Variants in GLT8D2 observed in about 807,000 individuals in gnomAD.
GLT8D2 encodes the protein glycosyltransferase 8 domain-containing protein 2.
In GLT8D2, 45 loss-of-function variants were observed where a neutral mutation model predicts 44.5. That is an observed-to-expected ratio of 1.01 (90% CI 0.80 to 1.30). GLT8D2 has a LOEUF of 1.30. Ranked by LOEUF, GLT8D2 falls within the 50% of genes most tolerant of loss-of-function variation. The pLI is 0.00. For missense variants in GLT8D2, 400 were observed against 430.4 expected, an observed-to-expected ratio of 0.93 and a Z score of 0.62; for synonymous variants, 156 against 157.2, an observed-to-expected ratio of 0.99 and a Z score of 0.06.
intron 1 of GLT8D2, 70 bp downstream of exon 1, chr12:104,049,825 A>G (rs1881550812): frequency 6.6e-6 from 1 of 152,242 alleles, no homozygotes; most frequent in Admixed American, 6.5e-5. Context: ...GTAGCAGAAT[A>G]AAGAACTGCT....
intron 2 of GLT8D2, among the ~76,000 whole-genome samples, chr12:104,020,731 C>A (rs908048181): frequency 6.6e-6 from 1 of 152,118 alleles, no homozygotes; most frequent in Non-Finnish European, 1.5e-5. Flanking sequence ...AGAGCAAGAG[C>A]CAGTCAAGGG....
chr12:103,991,617 G>A (rs771144601), intron 10 of GLT8D2, among the ~76,000 whole-genome samples: 6 of 152,030 alleles, frequency 3.9e-5, no homozygotes, highest in Non-Finnish European at 8.8e-5. Context: ...ACTTTGATGG[G>A]ATCTGCACAT....
At chr12:104,030,742 C>T in intron 1 of GLT8D2, 1 of 1,612,104 alleles carries the variant, frequency 6.2e-7, no homozygotes, top group Middle Eastern at 2.1e-4. Flanking sequence ...CCGGAATCTG[C>T]TAATCCCAGT....
chr12:104,012,195 T>A (rs199784882), intron 4 of GLT8D2, among the ~76,000 whole-genome samples: 10,060 of 118,920 alleles, frequency 0.085, 505 homozygotes, highest in African/African-American at 0.093. Context: ...AAAAAATATA[T>A]ATATATATAT....
chr12:103,990,297 AAAAT>A (rs1872598859), intron 10 of GLT8D2, among the ~76,000 whole-genome samples: 1 of 151,934 alleles, frequency 6.6e-6, no homozygotes, highest in Non-Finnish European at 1.5e-5. Flanking sequence ...TCCTTAATGA[AAAAT>A]GGCAACATTT....
rs543421337 is a variant in GLT8D2 at position 104,005,964 on chromosome 12, C to T, written c.113-2658G>A. ...TTTACTGCAGCACTAATCACAATAG[C>T]AAAGACTTGGAACCAACCCAAATGT... On this transcript the variant is annotated intron_variant, in intron 4 of 10. Coordinates refer to ENST00000360814, the MANE Select transcript of GLT8D2 (RefSeq NM_001384711.1). Among the ~76,000 whole-genome samples the T allele has an allele frequency of 2.6e-5, 4 of 152,196 alleles. 1 individual carries two copies. The highest frequency in any genetic ancestry group is 9.6e-5 in the African/African-American group (4 of 41,506).
intron 8 of GLT8D2, among the ~76,000 whole-genome samples, chr12:103,995,754 C>T (rs1184361572): frequency 2.0e-5 from 3 of 152,208 alleles, no homozygotes; most frequent in Admixed American, 2.0e-4. Context: ...TTCTTTCACC[C>T]ATATAGACTG....
chr12:104,041,566 G>C (rs912089951), intron 1 of GLT8D2, among the ~76,000 whole-genome samples: 4 of 152,152 alleles, frequency 2.6e-5, no homozygotes, highest in African/African-American at 9.7e-5. Context: ...ACAAAGCAAG[G>C]CTCTTTCTCA....
intron 1 of GLT8D2, among the ~76,000 whole-genome samples, chr12:104,036,480 T>C (rs1188144335): frequency 2.0e-5 from 3 of 150,754 alleles, no homozygotes. Context: ...ACCAAGCAAA[T>C]GGAAAGCAAA....
At chr12:104,034,363 G>A (rs1593561907) in intron 1 of GLT8D2, among the ~76,000 whole-genome samples, 1 of 152,220 alleles carries the variant, frequency 6.6e-6, no homozygotes, top group Admixed American at 6.5e-5. Context: ...AGCCCAAAGG[G>A]TCGGGGGATT....
At chr12:104,048,192 A>G (rs1881369965) in intron 1 of GLT8D2, among the ~76,000 whole-genome samples, 1 of 152,232 alleles carries the variant, frequency 6.6e-6, no homozygotes, top group African/African-American at 2.4e-5. Flanking sequence ...TAGGATGTCC[A>G]AAAGAGGAAC....
chr12:104,034,592 G>A (rs943344730), intron 1 of GLT8D2, among the ~76,000 whole-genome samples: 2 of 152,266 alleles, frequency 1.3e-5, no homozygotes, highest in African/African-American at 4.8e-5. Context: ...AGGTGGAAGG[G>A]CGTCCACCAT....
chr12:104,015,393 A>ACACACAC (rs565529120), intron 3 of GLT8D2, among the ~76,000 whole-genome samples: 1 of 126,180 alleles, frequency 7.9e-6, no homozygotes, highest in African/African-American at 3.2e-5. Context: ...AACAACAACA[A>ACACACAC]ACACACACAC....
chr12:103,998,896 G>A lies in GLT8D2; in HGVS notation c.402+501C>T, dbSNP rs1873841686. 2.0e-5 allele frequency among the ~76,000 whole-genome samples: 3 copies of A among 152,164 alleles called. No individual in the cohort carries two copies. In the South Asian group the frequency reaches 6.2e-4, roughly 32 times the overall value. ...GAGGGTCCCTTTTGTAAGAACTCTT[G>A]CAGTAAAATACCTTAAGATTTCCAA... On this transcript the variant is annotated intron_variant, in intron 6 of 10. Coordinates refer to ENST00000360814, the MANE Select transcript of GLT8D2 (RefSeq NM_001384711.1).
chr12:104,045,065 C>A (rs1322508167), intron 1 of GLT8D2, among the ~76,000 whole-genome samples: 2 of 152,216 alleles, frequency 1.3e-5, no homozygotes, highest in Non-Finnish European at 2.9e-5. Flanking sequence ...TCCTCACTTC[C>A]ATCTGCCTGT....
intron 4 of GLT8D2, among the ~76,000 whole-genome samples, chr12:104,009,248 C>G (rs1006763354): frequency 4.6e-5 from 7 of 152,218 alleles, no homozygotes; most frequent in African/African-American, 1.7e-4. Flanking sequence ...GGTAGAGCTG[C>G]CCAAGACCAT....
At chr12:103,994,231 G>T in intron 9 of GLT8D2, 104 bp downstream of exon 9, 1 of 1,109,144 alleles carries the variant, frequency 9.0e-7, no homozygotes, top group Non-Finnish European at 1.3e-6. Flanking sequence ...AATCTGACCT[G>T]AGATGACTGT....
rs1031667347 is a variant in GLT8D2 at position 104,039,669 on chromosome 12, G to A, written c.-164+10226C>T. On this transcript the variant is annotated intron_variant, in intron 1 of 10. Coordinates refer to ENST00000360814, the MANE Select transcript of GLT8D2 (RefSeq NM_001384711.1). Reference sequence around the variant, plus strand: ...CAACAGATGCTGGAGAGGATGTGGAGAAATAGGAATGCTTTAACACTGTTG... The same window carrying A: ...CAACAGATGCTGGAGAGGATGTGGAAAAATAGGAATGCTTTAACACTGTTG... Among the ~76,000 whole-genome samples the A allele has an allele frequency of 1.2e-4, 18 of 152,320 alleles. No homozygotes were observed. The East Asian group carries it at 1.7e-3, about 15-fold the overall frequency.
At chr12:103,992,963 G>A (rs1872951111) in intron 10 of GLT8D2, among the ~76,000 whole-genome samples, 1 of 152,154 alleles carries the variant, frequency 6.6e-6, no homozygotes, top group Admixed American at 6.5e-5. Context: ...AAGGTCACCT[G>A]GAGGATTTCA....
Sources: gnomAD v4.1 joint callset for allele counts (sites outside exome capture counted in the v4.1 genomes callset) on GRCh38, gnomAD v4.1.1 for gene constraint, MANE v1.5 for transcripts, NCBI Gene and HGNC (gene_info 2026-07-23, HGNC 2026-07-21) for gene names.